PKD2L2: variants seen among roughly 807,000 people sequenced by gnomAD.
The protein encoded by PKD2L2 is polycystin 2 like 2, transient receptor potential cation channel.
PKD2L2 carries 67 observed loss-of-function variants against 83.9 expected under a neutral mutation model. The observed-to-expected ratio is 0.80, with a 90% CI of 0.66 to 0.98. The LOEUF (loss-of-function observed/expected upper bound fraction) is 0.98, where lower values mean the gene tolerates loss of function less well. Among genes scored for constraint, PKD2L2 ranks in the 50% least tolerant of loss-of-function variants. PKD2L2 has a pLI of 0.00. For missense variants in PKD2L2, 632 were observed against 717.2 expected, an observed-to-expected ratio of 0.88 and a Z score of 1.36; for synonymous variants, 223 against 237.8, an observed-to-expected ratio of 0.94 and a Z score of 0.57.
intron 6 of PKD2L2, 91 bp from the exon 7 acceptor site, chr5:137,907,651 T>G (rs1757469758): frequency 2.9e-6 from 2 of 685,576 alleles, no homozygotes; most frequent in African/African-American, 3.6e-5. Context: ...GTTAAACTTT[T>G]GATGAACTTT....
chr5:137,941,774 T>G (rs1285998584), intron 14 of PKD2L2, among the ~76,000 whole-genome samples: 1 of 152,192 alleles, frequency 6.6e-6, no homozygotes, highest in Non-Finnish European at 1.5e-5. Flanking sequence ...CTGTGACTAT[T>G]CCTGGCCATT....
chr5:137,914,197 C>T (rs2150032140), intron 8 of PKD2L2, among the ~76,000 whole-genome samples: 1 of 151,868 alleles, frequency 6.6e-6, no homozygotes, highest in Admixed American at 6.6e-5. Flanking sequence ...CCTGAAATTG[C>T]TTTCTTGATT....
At chr5:137,935,771 C>G (rs567751323) in intron 12 of PKD2L2, 26 bp from the exon 13 acceptor site, 2 of 1,196,832 alleles carry the variant, frequency 1.7e-6, no homozygotes, top group African/African-American at 1.5e-5. Context: ...AAGATTGCAG[C>G]CTTTACTTGT....
chr5:137,923,681 C>T (rs756862283), intron 10 of PKD2L2, among the ~76,000 whole-genome samples, 160 bp downstream of exon 10: 3 of 152,172 alleles, frequency 2.0e-5, no homozygotes, highest in Admixed American at 1.3e-4. Flanking sequence ...CAGTGTTACT[C>T]ATATTCGCAT....
intron 5 of PKD2L2, among the ~76,000 whole-genome samples, chr5:137,903,600 T>C (rs773379010): frequency 6.6e-6 from 1 of 152,208 alleles, no homozygotes; most frequent in Admixed American, 6.5e-5. Flanking sequence ...TAGCTCTTTG[T>C]AGCTGCAGAA....
chr5:137,933,225 C>T (rs3777120), intron 12 of PKD2L2, among the ~76,000 whole-genome samples: 112,334 of 151,892 alleles, frequency 0.74, 42,187 homozygotes, highest in East Asian at 0.97. Flanking sequence ...CATTCCACTC[C>T]TGTGGCATAC....
At chr5:137,917,454 C>T (rs958001892) in intron 8 of PKD2L2, among the ~76,000 whole-genome samples, 1 of 151,916 alleles carries the variant, frequency 6.6e-6, no homozygotes, top group Non-Finnish European at 1.5e-5. Flanking sequence ...GTGAGCCACC[C>T]AGCCCTGTTC....
chr5:137,936,667 G>A (rs146464557), intron 14 of PKD2L2, among the ~76,000 whole-genome samples: 2,599 of 152,300 alleles, frequency 0.017, 39 homozygotes, highest in Non-Finnish European at 0.028. Context: ...GTGTCAGCCA[G>A]GATCGTCTCG....
chr5:137,935,979 CATT>C, intron 13 of PKD2L2, 70 bp downstream of exon 13: 1 of 884,922 alleles, frequency 1.1e-6, no homozygotes, highest in Non-Finnish European at 1.8e-6. Context: ...GAGTTAAACA[CATT>C]ATTTTCCTGA....
chr5:137,924,342 T>C (rs1759189702), intron 10 of PKD2L2, among the ~76,000 whole-genome samples: 2 of 152,238 alleles, frequency 1.3e-5, no homozygotes, highest in African/African-American at 2.4e-5. Flanking sequence ...GGCTAATCTG[T>C]TTTGTGACGC....
At chr5:137,933,239 T>C (rs1760034284) in intron 12 of PKD2L2, among the ~76,000 whole-genome samples, 2 of 152,218 alleles carry the variant, frequency 1.3e-5, no homozygotes. Context: ...GGCATACACA[T>C]TTGCACTTCC....
At position 137,942,711 on chromosome 5, in the gene PKD2L2, G is replaced by A; in HGVS notation, c.*345G>A. The A allele has an allele frequency of 1.7e-6, 1 of 587,582 alleles. No homozygotes were observed. Among genetic ancestry groups the A allele is most frequent in the Non-Finnish European group, 2.8e-6 (1 of 358,406 alleles). The allele number at this position is 587,582 out of a possible 1,614,324, so 36.4% of individuals were successfully genotyped here. On this transcript the variant is annotated 3_prime_UTR_variant, in exon 15 of 15. Coordinates refer to ENST00000508883, the MANE Select transcript of PKD2L2 (RefSeq NM_001300921.2). ...TACAGTAATGTTTTATTTAAAAATGGGAATGACAATAAATATTTGCAAATC... is the reference window on the plus strand; with the variant it reads ...TACAGTAATGTTTTATTTAAAAATGAGAATGACAATAAATATTTGCAAATC...
chr5:137,909,015 CCTT>C (rs1757589542), intron 8 of PKD2L2, 69 bp downstream of exon 8: 13 of 823,764 alleles, frequency 1.6e-5, no homozygotes, highest in East Asian at 2.7e-5. Context: ...AAAGGTCTAA[CCTT>C]CTATGATAAG....
intron 14 of PKD2L2, chr5:137,941,846 T>C: frequency 9.8e-7 from 1 of 1,017,036 alleles, no homozygotes; most frequent in Non-Finnish European, 1.5e-6. Flanking sequence ...GCATCCTATA[T>C]GCACAATTTC....
intron 10 of PKD2L2, 105 bp downstream of exon 10, chr5:137,923,626 A>T: frequency 1.5e-6 from 1 of 686,470 alleles, no homozygotes; most frequent in East Asian, 2.7e-5. Context: ...TGCTCTCCCC[A>T]CTCCCACCCC....
In PKD2L2 at chr5:137,915,609, C is replaced by T. The variant is rs184123412; in HGVS notation, c.1329-6027C>T. 8.9e-3 allele frequency among the ~76,000 whole-genome samples: 1,353 copies of T among 151,286 alleles called. 9 individuals carry two copies. Among genetic ancestry groups the T allele is most frequent in the Middle Eastern group, 0.045 (13 of 292 alleles). On this transcript the variant is annotated intron_variant, in intron 8 of 14. Coordinates refer to ENST00000508883, the MANE Select transcript of PKD2L2 (RefSeq NM_001300921.2). ...GGCTAATTTTTGTATTTTTAGTAGA[C>T]GGGGTTTCACCATGTTGGTCAAGCT...
At chr5:137,924,755 A>G (rs376208489) in intron 10 of PKD2L2, among the ~76,000 whole-genome samples, 1 of 152,210 alleles carries the variant, frequency 6.6e-6, no homozygotes, top group Non-Finnish European at 1.5e-5. Context: ...TAAAAGTGTT[A>G]ACATCCTTAA....
At chr5:137,925,501 C>T (rs1468873609) in intron 11 of PKD2L2, among the ~76,000 whole-genome samples, 1 of 152,144 alleles carries the variant, frequency 6.6e-6, no homozygotes, top group Non-Finnish European at 1.5e-5. Flanking sequence ...CATAAAGTCC[C>T]TCTAAAAAGG....
intron 14 of PKD2L2, chr5:137,939,823 G>T (rs1216970351): frequency 2.4e-6 from 3 of 1,257,576 alleles, no homozygotes; most frequent in African/African-American, 3.1e-5. Context: ...GGCAACAGAA[G>T]AATTCAGTAT....
Sources: allele counts gnomAD v4.1 joint callset (sites outside exome capture counted in the v4.1 genomes callset), GRCh38; gene constraint gnomAD v4.1.1; transcripts MANE v1.5; gene names NCBI Gene and HGNC (gene_info 2026-07-23, HGNC 2026-07-21).